NRG3: variants seen among roughly 807,000 people sequenced by gnomAD.
The protein encoded by NRG3 is pro-neuregulin-3, membrane-bound isoform.
NRG3 carries 31 observed loss-of-function variants against 66.9 expected under a neutral mutation model. The ratio of observed to expected loss-of-function variants is 0.46; its 90% confidence interval spans 0.35 to 0.63. The LOEUF (loss-of-function observed/expected upper bound fraction) is 0.63. Among genes scored for constraint, NRG3 ranks in the 20% least tolerant of loss-of-function variants. NRG3 has a pLI of 0.00. For missense variants in NRG3, 910 were observed against 878.9 expected (o/e 1.04, Z -0.45); for synonymous variants, 393 against 359.4 (o/e 1.09, Z -1.06).
intron 1 of NRG3, among the ~76,000 whole-genome samples, chr10:82,087,562 G>A (rs1425946858): frequency 6.6e-6 from 1 of 151,982 alleles, no homozygotes; most frequent in Non-Finnish European, 1.5e-5. Flanking sequence ...TTAATTTGTT[G>A]CCCCACTTTG....
chr10:82,646,855 G>A (rs1209837505), intron 2 of NRG3, among the ~76,000 whole-genome samples: 1 of 152,028 alleles, frequency 6.6e-6, no homozygotes, highest in Non-Finnish European at 1.5e-5. Context: ...TCTGTCAGAA[G>A]GTAGTAAGTT....
At chr10:82,959,487 T>C (rs927307423) in intron 6 of NRG3, among the ~76,000 whole-genome samples, 2 of 152,064 alleles carry the variant, frequency 1.3e-5, no homozygotes, top group South Asian at 2.1e-4. Flanking sequence ...GAGATAGTTG[T>C]TGTTGCAGCA....
At chr10:82,284,934 C>G (rs1470159347) in intron 1 of NRG3, among the ~76,000 whole-genome samples, 1 of 152,084 alleles carries the variant, frequency 6.6e-6, no homozygotes. Context: ...AAAAACATTA[C>G]GTTTAAAATC....
At chr10:82,641,966 A>AT (rs2133817926) in intron 2 of NRG3, among the ~76,000 whole-genome samples, 1 of 152,224 alleles carries the variant, frequency 6.6e-6, no homozygotes, top group East Asian at 1.9e-4. Context: ...ACTTCTTATC[A>AT]TCCATCCCCT....
At chr10:82,350,470 G>T (rs568136286) in intron 1 of NRG3, among the ~76,000 whole-genome samples, 1 of 152,304 alleles carries the variant, frequency 6.6e-6, no homozygotes, top group Admixed American at 6.5e-5. Context: ...CTGCAATTCA[G>T]AGTGATCATC....
chr10:82,851,966 T>C (rs1331879990), intron 3 of NRG3, among the ~76,000 whole-genome samples: 2 of 152,162 alleles, frequency 1.3e-5, no homozygotes, highest in Non-Finnish European at 2.9e-5. Flanking sequence ...AGTGACCCTC[T>C]GTAGGGAAAG....
chr10:82,717,498 C>T lies in NRG3; in HGVS notation c.954-21079C>T, dbSNP rs183264340. ...CACTGCAAGCTCTGCCTCCCAGGTT[C>T]ACGCCATCCTCCTGCCTCAGCCTCC... On this transcript the variant is annotated intron_variant, in intron 2 of 8. Coordinates refer to ENST00000372141, the MANE Select transcript of NRG3 (RefSeq NM_001010848.4). Among the ~76,000 whole-genome samples the T allele has an allele frequency of 4.9e-3, 724 of 147,636 alleles. 4 individuals are homozygous for T. The highest frequency in any genetic ancestry group is 0.017 in the African/African-American group (669 of 39,292).
chr10:82,349,457 G>A (rs1447936954), intron 1 of NRG3, among the ~76,000 whole-genome samples: 2 of 151,036 alleles, frequency 1.3e-5, no homozygotes, highest in African/African-American at 2.4e-5. Flanking sequence ...GAGAACCACT[G>A]CTCTCTTCAA....
chr10:82,041,443 T>TC (rs1232571067), intron 1 of NRG3, among the ~76,000 whole-genome samples: 3 of 152,066 alleles, frequency 2.0e-5, no homozygotes, highest in Non-Finnish European at 4.4e-5. Context: ...TGGCTTTCTG[T>TC]CAGCTTTACT....
intron 1 of NRG3, among the ~76,000 whole-genome samples, chr10:82,210,063 C>T (rs1405287528): frequency 6.6e-6 from 1 of 152,052 alleles, no homozygotes; most frequent in Non-Finnish European, 1.5e-5. Context: ...GAATACTCTC[C>T]TGAGAAAATT....
intron 1 of NRG3, among the ~76,000 whole-genome samples, chr10:82,050,129 C>T (rs1444917606): frequency 6.6e-6 from 1 of 151,370 alleles, no homozygotes; most frequent in Non-Finnish European, 1.5e-5. Flanking sequence ...GATGCTTTAA[C>T]TGCACTTTGT....
chr10:82,684,159 G>A (rs972273136), intron 2 of NRG3, among the ~76,000 whole-genome samples: 2 of 152,128 alleles, frequency 1.3e-5, no homozygotes, highest in South Asian at 2.1e-4. Context: ...ATACAGATAC[G>A]GAGATTAAAG....
At chr10:82,631,451 C>T (rs1365344975) in intron 2 of NRG3, among the ~76,000 whole-genome samples, 6 of 152,082 alleles carry the variant, frequency 3.9e-5, no homozygotes, top group Non-Finnish European at 8.8e-5. Flanking sequence ...CACCCTCTTC[C>T]GAAGAGATAC....
chr10:82,538,533 T>C (rs1179750013), intron 2 of NRG3, among the ~76,000 whole-genome samples: 1 of 152,232 alleles, frequency 6.6e-6, no homozygotes, highest in East Asian at 1.9e-4. Context: ...TTTTCTGTTA[T>C]CAGTTTTTTT....
chr10:82,050,886 C>T, intron 1 of NRG3, among the ~76,000 whole-genome samples: 1 of 152,040 alleles, frequency 6.6e-6, no homozygotes, highest in African/African-American at 2.4e-5. Context: ...TTTCTTTAGC[C>T]ACGTCCTCAT....
intron 1 of NRG3, among the ~76,000 whole-genome samples, chr10:81,991,883 A>C (rs2133579147): frequency 6.6e-6 from 1 of 152,230 alleles, no homozygotes; most frequent in Middle Eastern, 3.4e-3. Context: ...AATTCCCAAG[A>C]ACCAATAATT....
chr10:82,675,031 T>A (rs1326686668), intron 2 of NRG3, among the ~76,000 whole-genome samples: 1 of 151,908 alleles, frequency 6.6e-6, no homozygotes, highest in African/African-American at 2.4e-5. Context: ...GCGCCTCGGC[T>A]CACTGCAACC....
chr10:82,379,509 A>G (rs1564856822), intron 2 of NRG3, among the ~76,000 whole-genome samples: 1 of 152,194 alleles, frequency 6.6e-6, no homozygotes, highest in African/African-American at 2.4e-5. Context: ...GGGTGCGATA[A>G]TAACAATCCT....
intron 2 of NRG3, among the ~76,000 whole-genome samples, chr10:82,728,394 A>T (rs111276729): frequency 6.6e-6 from 1 of 152,058 alleles, no homozygotes; most frequent in African/African-American, 2.4e-5. Context: ...TGCTGTTCTC[A>T]TGATACTAAA....
Sources: allele counts gnomAD v4.1 joint callset (sites outside exome capture counted in the v4.1 genomes callset), GRCh38; gene constraint gnomAD v4.1.1; transcripts MANE v1.5; gene names NCBI Gene and HGNC (gene_info 2026-07-23, HGNC 2026-07-21).